Variants in EYS observed in about 807,000 individuals in gnomAD.
EYS encodes the protein EGF-like photoreceptor maintenance factor.
A neutral mutation model predicts 282.1 loss-of-function variants in EYS; 250 were observed. The ratio of observed to expected loss-of-function variants is 0.89; its 90% CI spans 0.80 to 0.98. EYS has a LOEUF of 0.98. Ranked by LOEUF, EYS falls within the 50% of genes least tolerant of loss-of-function variation. The probability of loss-of-function intolerance (pLI) is 0.00; values close to 1 mark genes in which losing one functional copy is unlikely to be tolerated. For missense variants in EYS, 4,016 were observed against 3,709.0 expected, an observed-to-expected ratio of 1.08 and a Z score of -2.15; for synonymous variants, 1,355 against 1,282.9, an observed-to-expected ratio of 1.06 and a Z score of -1.20.
At chr6:63,940,156 A>T (rs535972135) in intron 35 of EYS, among the ~76,000 whole-genome samples, 18 of 152,328 alleles carry the variant, frequency 1.2e-4, no homozygotes, top group Admixed American at 1.1e-3. Context: ...TGGGACCCAT[A>T]TGAAGTGCCA....
At chr6:64,598,494 A>G (rs1766659414) in intron 24 of EYS, among the ~76,000 whole-genome samples, 1 of 152,132 alleles carries the variant, frequency 6.6e-6, no homozygotes, top group Non-Finnish European at 1.5e-5. Flanking sequence ...AAAACCTAAT[A>G]GGTACCAAGA....
chr6:65,350,512 C>T (rs1282728622), intron 9 of EYS, among the ~76,000 whole-genome samples: 1 of 151,526 alleles, frequency 6.6e-6, no homozygotes, highest in Non-Finnish European at 1.5e-5. Context: ...AGTGTTTTAA[C>T]TCTATGTTTA....
intron 26 of EYS, among the ~76,000 whole-genome samples, chr6:64,539,078 CT>C (rs1764616474): frequency 6.6e-6 from 1 of 152,152 alleles, no homozygotes. Flanking sequence ...GCTTATTTCA[CT>C]TAGCATAATG....
intron 22 of EYS, among the ~76,000 whole-genome samples, chr6:64,706,979 A>G (rs1410901860): frequency 1.3e-5 from 2 of 152,066 alleles, no homozygotes; most frequent in Non-Finnish European, 2.9e-5. Flanking sequence ...TATCTGGAGG[A>G]AAAGATACAA....
rs1430844479 is a variant in EYS at position 63,726,496 on chromosome 6, A to T, written c.8233+23T>A. The T allele has an allele frequency of 4.5e-6, 7 of 1,540,314 alleles. No homozygotes were observed. The East Asian group carries it at 1.7e-4, about 38-fold the overall frequency. ...TAGACTATTAGGAATTCATTCTGCAAACAAACAGCCTGCCAATCTTACCTG... is the reference window on the plus strand; with the variant it reads ...TAGACTATTAGGAATTCATTCTGCATACAAACAGCCTGCCAATCTTACCTG... On this transcript the variant is annotated intron_variant, in intron 42 of 42. Transcript: ENST00000503581.
chr6:63,935,868 G>T (rs142348803), intron 35 of EYS, among the ~76,000 whole-genome samples: 5 of 152,150 alleles, frequency 3.3e-5, no homozygotes, highest in African/African-American at 1.2e-4. Flanking sequence ...TACAGATAAA[G>T]AAATGGAAGA....
At chr6:64,098,496 C>G (rs1439045356) in intron 31 of EYS, among the ~76,000 whole-genome samples, 1 of 151,784 alleles carries the variant, frequency 6.6e-6, no homozygotes, top group Non-Finnish European at 1.5e-5. Flanking sequence ...AGTAAGAATA[C>G]AAATAAACAC....
At chr6:65,706,332 C>T (rs1769877420) in intron 1 of EYS, among the ~76,000 whole-genome samples, 1 of 151,616 alleles carries the variant, frequency 6.6e-6, no homozygotes, top group African/African-American at 2.4e-5. Context: ...ACAAATAGTT[C>T]AACATACCTG....
intron 24 of EYS, among the ~76,000 whole-genome samples, chr6:64,596,097 G>A (rs1196663995): frequency 6.6e-6 from 1 of 151,896 alleles, no homozygotes; most frequent in Non-Finnish European, 1.5e-5. Flanking sequence ...ATGGGTAGGG[G>A]ACACACACTT....
At position 64,536,777 on chromosome 6, in the gene EYS, T is replaced by C. The variant is rs146037855; in HGVS notation, c.5644+53446A>G. 8.0e-4 allele frequency among the ~76,000 whole-genome samples: 121 copies of C among 151,572 alleles called. No homozygotes were observed. In the East Asian group the frequency reaches 0.015, roughly 19 times the overall value. Reference sequence around the variant, plus strand: ...TGTAAATATCATGCAATGTCCTTAGTTGAAGACCTGTACTTATTAACAAAA... The same window carrying C: ...TGTAAATATCATGCAATGTCCTTAGCTGAAGACCTGTACTTATTAACAAAA... On this transcript the variant is annotated intron_variant, in intron 26 of 42. Coordinates refer to ENST00000503581, the MANE Select transcript of EYS (RefSeq NM_001142800.2).
chr6:64,274,792 C>T (rs965139756), intron 30 of EYS, among the ~76,000 whole-genome samples: 3 of 152,022 alleles, frequency 2.0e-5, no homozygotes, highest in South Asian at 2.1e-4. Context: ...ACAGCCTGAT[C>T]ATGTTCATTG....
intron 14 of EYS, among the ~76,000 whole-genome samples, chr6:64,989,532 ATTATG>A (rs1172357755): frequency 7.3e-6 from 1 of 136,700 alleles, no homozygotes; most frequent in Non-Finnish European, 1.6e-5. Flanking sequence ...TATAATATAT[ATTATG>A]TTATAATATA....
chr6:64,228,186 T>C (rs571163631), intron 31 of EYS, among the ~76,000 whole-genome samples: 2 of 152,198 alleles, frequency 1.3e-5, no homozygotes, highest in South Asian at 4.2e-4. Flanking sequence ...GAAAACACAA[T>C]CCTGCCCTTG....
At chr6:64,136,027 G>A (rs1209899106) in intron 31 of EYS, among the ~76,000 whole-genome samples, 1 of 151,850 alleles carries the variant, frequency 6.6e-6, no homozygotes, top group Non-Finnish European at 1.5e-5. Context: ...CAAAACTGCA[G>A]ACAGTCCTCT....
chr6:64,048,773 T>G (rs1770711205), intron 33 of EYS, among the ~76,000 whole-genome samples: 1 of 152,134 alleles, frequency 6.6e-6, no homozygotes, highest in African/African-American at 2.4e-5. Flanking sequence ...TGATACTAAA[T>G]ATTATCAACT....
intron 26 of EYS, among the ~76,000 whole-genome samples, chr6:64,480,520 G>A (rs1582805157): frequency 1.3e-5 from 2 of 151,770 alleles, no homozygotes; most frequent in East Asian, 1.9e-4. Flanking sequence ...TTCAGCTAAC[G>A]TTGATAAGAC....
At chr6:63,769,194 T>C (rs968579180) in intron 40 of EYS, among the ~76,000 whole-genome samples, 1 of 151,920 alleles carries the variant, frequency 6.6e-6, no homozygotes, top group Non-Finnish European at 1.5e-5. Flanking sequence ...GTAACAAACC[T>C]GCACATGGAC....
chr6:63,720,930 T>C lies in EYS; in HGVS notation c.9101A>G (p.Tyr3034Cys), dbSNP rs779289332. The change falls in exon 43 of 43, where the codon TAT (tyrosine) becomes TGT (cysteine). Residue 3034 changes from tyrosine to cysteine, a missense_variant. By Grantham distance (194) the Tyr-to-Cys change is radical. Coordinates refer to ENST00000503581, the MANE Select transcript of EYS (RefSeq NM_001142800.2). ...ATTACAACAGAATGTGCCATTGTTA[T>C]AGCTCATAGGCACAGAGATTCTTTC... Reference protein sequence around the residue: ...LGERISVPMSYNNGTFCCNKW... With the variant: ...LGERISVPMSCNNGTFCCNKW... 19 of 1,551,304 alleles carry C rather than the reference T, an allele frequency of 1.2e-5. No individual in the cohort carries two copies. Among genetic ancestry groups the C allele is most frequent in the South Asian group, 4.8e-5 (4 of 84,062 alleles).
intron 35 of EYS, among the ~76,000 whole-genome samples, chr6:63,948,907 C>T (rs1239404457): frequency 2.0e-5 from 3 of 151,938 alleles, no homozygotes; most frequent in Non-Finnish European, 1.5e-5. Flanking sequence ...TATATATGTT[C>T]TCATCTATAT....
Sources: gnomAD v4.1 joint callset for allele counts (sites outside exome capture counted in the v4.1 genomes callset) on GRCh38, gnomAD v4.1.1 for gene constraint, MANE v1.5 for transcripts, NCBI Gene and HGNC (gene_info 2026-07-23, HGNC 2026-07-21) for gene names.